NLE1: variants seen among roughly 807,000 people sequenced by gnomAD.
NLE1 encodes the protein notchless protein homolog 1.
In NLE1, 37 loss-of-function variants were observed where a neutral mutation model predicts 62.8. The ratio of observed to expected loss-of-function variants is 0.59; its 90% CI spans 0.45 to 0.78. The LOEUF is 0.78. Ranked by LOEUF, NLE1 falls within the 30% of genes least tolerant of loss-of-function variation. The probability of loss-of-function intolerance (pLI) is 0.00; values close to 1 mark genes in which losing one functional copy is unlikely to be tolerated. For missense variants in NLE1, 555 were observed against 637.9 expected (o/e 0.87, Z 1.40); for synonymous variants, 243 against 253.0 (o/e 0.96, Z 0.37).
chr17:35,133,295 AG>A, intron 11 of NLE1, 43 bp downstream of exon 11: 2 of 1,614,162 alleles, frequency 1.2e-6, no homozygotes, highest in Non-Finnish European at 8.5e-7. Context: ...ACAGCCAGCC[AG>A]GCTCCAATCC....
Position 35,133,441 on chromosome 17 carries a change from A to G in NLE1, c.1272T>C (p.Ala424=). 3.1e-6 allele frequency: 5 copies of G among 1,614,054 alleles called. No homozygotes were observed. Among genetic ancestry groups the G allele is most frequent in the Non-Finnish European group, 4.2e-6 (5 of 1,180,004 alleles). ...VAAVYQIAWS[A]DSRLLVSGSS... is the part of the protein sequence containing the mutation. ...TGCCGCTGACCAGGAGCCGACTGTC[A>G]GCTGACCACGCAATCTGGTACACGG... Residue 424 remains alanine (A), a synonymous_variant, in exon 11 of 13, where the codon GCT becomes GCC. Transcript: ENST00000442241.
Position 35,136,179 on chromosome 17 carries a change from T to C in NLE1, c.1001A>G (p.Asn334Ser), listed in dbSNP as rs773021674. ...CTGGCACACACTCACCCGCACGAGG[T>C]TGTATCGGCTCAGAGCCCTCTCCTT... ...ELKERALSRY[N>S]LVRGQGPERL... The change falls in exon 9 of 13, where the codon AAC becomes AGC. Residue 334 changes from asparagine to serine, a missense_variant. Physicochemically the swap from Asn to Ser is conservative, Grantham distance 46. Coordinates refer to ENST00000442241, the MANE Select transcript of NLE1 (RefSeq NM_018096.5). 1.2e-6 allele frequency: 2 copies of C among 1,613,938 alleles called. No homozygotes were observed. The highest frequency in any genetic ancestry group is 1.3e-5 in the African/African-American group (1 of 74,862).
At position 35,129,993 on chromosome 17, in the gene NLE1, C is replaced by A; in HGVS notation, c.*2444G>T. The stretch of plus-strand genomic sequence containing the variant: ...AGGGCATTGAAAGAAATAGGGAAGA[C>A]AAGAGGCTAAAGGGGGACGAAGAAG... On this transcript the variant is annotated 3_prime_UTR_variant, in exon 13 of 13. Coordinates refer to ENST00000442241, the MANE Select transcript of NLE1 (RefSeq NM_018096.5). 7.3e-7 allele frequency: 1 copy of A among 1,372,676 alleles called. No homozygotes were observed. The highest frequency in any genetic ancestry group is 1.7e-5 in the South Asian group (1 of 58,040). The allele number at this position is 1,372,676 out of a possible 1,614,324, so 85.0% of individuals were successfully genotyped here. A position where few individuals can be genotyped will look rare whatever the true frequency, so the allele number is the denominator to read the frequency against.
rs957711458 is a variant in NLE1 at position 35,142,302 on chromosome 17, A to G, written c.-27T>C. 4.6e-6 allele frequency: 7 copies of G among 1,533,528 alleles called. No homozygotes were observed. The African/African-American group carries it at 8.3e-5, about 18-fold the overall frequency. 95.0% of individuals were successfully genotyped at this position (1,533,528 alleles called of 1,614,324 possible). ...CTGCGTCCCCACGTGGAGGAGAAAG[A>G]GCCCGGCAGACAGAGCGCCGTCTCC... On this transcript the variant is annotated 5_prime_UTR_variant, in exon 1 of 13. Transcript: ENST00000442241.
intron 12 of NLE1, 46 bp downstream of exon 12, chr17:35,133,125 G>T: frequency 6.4e-7 from 1 of 1,553,104 alleles, no homozygotes; most frequent in African/African-American, 1.4e-5. Flanking sequence ...AGGACCTTAG[G>T]GGTAGGAGGG....
intron 4 of NLE1, among the ~76,000 whole-genome samples, chr17:35,138,415 G>A (rs2091922572): frequency 6.6e-6 from 1 of 152,112 alleles, no homozygotes; most frequent in Admixed American, 6.6e-5. Context: ...GTGGGGCCCA[G>A]CAATCTGTAT....
At position 35,129,675 on chromosome 17, in the gene NLE1, G is replaced by A; in HGVS notation, c.*2762C>T. ...CCCTACAAAGTGAGCCCTGGGAAAA[G>A]AGGGGCCTTGGGGGTGGAGAGAAGT... On this transcript the variant is annotated 3_prime_UTR_variant, in exon 13 of 13. Transcript: ENST00000442241. 6.2e-7 allele frequency: 1 copy of A among 1,610,882 alleles called. No homozygotes were observed. The highest frequency in any genetic ancestry group is 8.5e-7 in the Non-Finnish European group (1 of 1,178,856).
chr17:35,140,217 A>G, intron 2 of NLE1, 151 bp from the exon 3 acceptor site: 1 of 794,652 alleles, frequency 1.3e-6, no homozygotes, highest in South Asian at 2.0e-5. Context: ...ATTGAGCAAG[A>G]CCTTTTATTT....
chr17:35,130,635 G>A lies in NLE1; in HGVS notation c.*1802C>T. ...CTGGAGGCATCTCAGGCCAGGCCAT[G>A]CCAGGCTCAGCCACTGCCCACAGCT... On this transcript the variant is annotated 3_prime_UTR_variant, in exon 13 of 13. Transcript: ENST00000442241. 1 of 574,938 alleles carries A rather than the reference G, an allele frequency of 1.7e-6. No individual in the cohort carries two copies. The highest frequency in any genetic ancestry group is 3.1e-6 in the Non-Finnish European group (1 of 326,904). 35.6% of individuals were successfully genotyped at this position (574,938 alleles called of 1,614,324 possible).
At chr17:35,140,208 T>G in intron 2 of NLE1, 142 bp from the exon 3 acceptor site, 1 of 828,916 alleles carries the variant, frequency 1.2e-6, no homozygotes, top group Admixed American at 2.9e-5. Context: ...TCATTGCCCA[T>G]TGAGCAAGAC....
intron 4 of NLE1, among the ~76,000 whole-genome samples, chr17:35,138,470 G>A (rs779737102): frequency 6.6e-6 from 1 of 152,004 alleles, no homozygotes; most frequent in Non-Finnish European, 1.5e-5. Context: ...CTTTCATGGA[G>A]TCACACTCCA....
In NLE1 at chr17:35,133,636, C is replaced by T. The variant is rs972927034; in HGVS notation, c.1215-138G>A. The T allele has an allele frequency of 1.2e-5, 9 of 768,296 alleles. No individual in the cohort carries two copies. In the African/African-American group the frequency reaches 1.6e-4, roughly 13 times the overall value. The allele number at this position is 768,296 out of a possible 1,614,324, so 47.6% of individuals were successfully genotyped here. A position where few individuals can be genotyped will look rare whatever the true frequency, so the allele number is the denominator to read the frequency against. On this transcript the variant is annotated intron_variant, in intron 10 of 12. Coordinates refer to ENST00000442241, the MANE Select transcript of NLE1 (RefSeq NM_018096.5). ...ATACCTGGGAACCTTTACAAAATCA[C>T]ACTGCCTGGTCCCCATCCCAGACCA...
rs1165905362 is a variant in NLE1 at position 35,130,527 on chromosome 17, C to A, written c.*1910G>T. On this transcript the variant is annotated 3_prime_UTR_variant, in exon 13 of 13. Coordinates refer to ENST00000442241, the MANE Select transcript of NLE1 (RefSeq NM_018096.5). ...CATGAGACCTACCATACCACCAGCACCCTGCGGGCCCGGGGTCTGGCAGAG... is the reference window on the plus strand; with the variant it reads ...CATGAGACCTACCATACCACCAGCAACCTGCGGGCCCGGGGTCTGGCAGAG... 1 of 1,349,092 alleles carries A rather than the reference C, an allele frequency of 7.4e-7. No homozygotes were observed. The highest frequency in any genetic ancestry group is 1.4e-5 in the African/African-American group (1 of 69,170). The allele number at this position is 1,349,092 out of a possible 1,614,324, so 83.6% of individuals were successfully genotyped here. A position where few individuals can be genotyped will look rare whatever the true frequency, so the allele number is the denominator to read the frequency against.
rs1279985831 is a variant in NLE1, at chr17:35,137,943, G to A, written c.461-53C>T. 7 of 1,299,956 alleles carry A rather than the reference G, an allele frequency of 5.4e-6. 1 individual carries two copies. In the South Asian group the frequency reaches 7.4e-5, roughly 14 times the overall value. 80.5% of individuals were successfully genotyped at this position (1,299,956 alleles called of 1,614,324 possible). A position where few individuals can be genotyped will look rare whatever the true frequency, so the allele number is the denominator to read the frequency against. On this transcript the variant is annotated intron_variant, in intron 4 of 12. Transcript: ENST00000442241. ...GGGACTACATCTGTCTTTATCCCAA[G>A]TGCCCAGCAGTGCCTGTCAGGTGCC...
intron 3 of NLE1, 106 bp from the exon 4 acceptor site, chr17:35,139,420 G>A (rs191212189): frequency 1.3e-5 from 12 of 915,276 alleles, no homozygotes; most frequent in African/African-American, 6.5e-5. Context: ...CCTCGCCCCT[G>A]GAAGGGAGAA....
At chr17:35,137,439 T>TGCCCATC (rs1390026763) in intron 6 of NLE1, 104 bp downstream of exon 6, 21 of 982,124 alleles carry the variant, frequency 2.1e-5, no homozygotes, top group Middle Eastern at 3.1e-4. Flanking sequence ...TCATTCAGGC[T>TGCCCATC]GCCCATCTTG....
chr17:35,135,194 C>T (rs1660723328), intron 10 of NLE1, 55 bp downstream of exon 10: 10 of 1,565,798 alleles, frequency 6.4e-6, no homozygotes, highest in Non-Finnish European at 7.9e-6. Flanking sequence ...GTGGCAGTGC[C>T]AAGCCCCTCC....
At chr17:35,133,762 G>A (rs1010313887) in intron 10 of NLE1, among the ~76,000 whole-genome samples, 6 of 152,072 alleles carry the variant, frequency 3.9e-5, no homozygotes, top group Admixed American at 3.9e-4. Context: ...AACTTTGCAT[G>A]CCTTAGACTC....
In NLE1 at chr17:35,130,381, G is replaced by C. The variant is rs370230473; in HGVS notation, c.*2056C>G. 1.6e-5 allele frequency: 26 copies of C among 1,613,950 alleles called. No individual in the cohort carries two copies. The South Asian group carries it at 2.7e-4, about 17-fold the overall frequency. ...ACCCCGGCAAAAGATCGTGTCCATC[G>C]GGCCGGAGGAGATGCGGAGGCTGGA... On this transcript the variant is annotated 3_prime_UTR_variant, in exon 13 of 13. Transcript: ENST00000442241.
Sources: allele counts gnomAD v4.1 joint callset (sites outside exome capture counted in the v4.1 genomes callset), GRCh38; gene constraint gnomAD v4.1.1; transcripts MANE v1.5; gene names NCBI Gene and HGNC (gene_info 2026-07-23, HGNC 2026-07-21).